The following INPP4B variants were observed in gnomAD, a reference collection of about 807,000 sequenced individuals.
The protein encoded by INPP4B is inositol polyphosphate 4-phosphatase type II.
In INPP4B, 55 loss-of-function variants were observed where a neutral mutation model predicts 122.5. The ratio of observed to expected loss-of-function variants is 0.45; its 90% CI spans 0.36 to 0.56. The LOEUF (loss-of-function observed/expected upper bound fraction) is 0.56. Among genes scored for constraint, INPP4B ranks in the 20% least tolerant of loss-of-function variants. The pLI is 0.00. For missense variants in INPP4B, 1,000 were observed against 1,097.7 expected, an observed-to-expected ratio of 0.91 and a Z score of 1.26; for synonymous variants, 403 against 388.7, an observed-to-expected ratio of 1.04 and a Z score of -0.43.
intron 2 of INPP4B, among the ~76,000 whole-genome samples, chr4:142,621,073 T>C (rs1396803582): frequency 2.0e-5 from 3 of 151,926 alleles, no homozygotes; most frequent in Non-Finnish European, 2.9e-5. Context: ...GTCTTAGTTA[T>C]ATCCAGTAGG....
At chr4:142,623,775 G>A (rs1006925545) in intron 2 of INPP4B, among the ~76,000 whole-genome samples, 4 of 144,558 alleles carry the variant, frequency 2.8e-5, no homozygotes, top group Non-Finnish European at 6.0e-5. Flanking sequence ...GTGTCCATGT[G>A]TTCTCATTGT....
chr4:142,714,437 T>C (rs1402642677), intron 2 of INPP4B, among the ~76,000 whole-genome samples: 2 of 152,200 alleles, frequency 1.3e-5, no homozygotes, highest in Non-Finnish European at 2.9e-5. Flanking sequence ...GAAGTGTTTG[T>C]TTTCCCTTTT....
At chr4:142,481,660 G>A (rs958112279) in intron 2 of INPP4B, among the ~76,000 whole-genome samples, 21 of 152,056 alleles carry the variant, frequency 1.4e-4, no homozygotes, top group African/African-American at 4.1e-4. Flanking sequence ...CATGTGGCTA[G>A]GTATAATTTG....
chr4:142,687,963 T>G (rs1433171733), intron 2 of INPP4B, among the ~76,000 whole-genome samples: 1 of 152,098 alleles, frequency 6.6e-6, no homozygotes. Context: ...ATCACTCACT[T>G]GACTAAACTT....
chr4:142,045,426 G>A (rs915678490), intron 25 of INPP4B, among the ~76,000 whole-genome samples: 1 of 152,040 alleles, frequency 6.6e-6, no homozygotes, highest in Non-Finnish European at 1.5e-5. Flanking sequence ...TCTGATTATG[G>A]TCATTGGGAA....
chr4:142,190,188 T>A (rs571268598), intron 15 of INPP4B, among the ~76,000 whole-genome samples: 1 of 127,552 alleles, frequency 7.8e-6, no homozygotes, highest in East Asian at 2.4e-4. Context: ...GTTTTTTATT[T>A]GTTTGTTTGT....
intron 2 of INPP4B, among the ~76,000 whole-genome samples, chr4:142,572,210 A>T (rs1732987287): frequency 6.6e-6 from 1 of 152,170 alleles, no homozygotes; most frequent in Admixed American, 6.5e-5. Flanking sequence ...AAACTATGAA[A>T]TTCTGCTCAA....
chr4:142,046,248 C>G (rs1390655115), intron 25 of INPP4B, among the ~76,000 whole-genome samples: 1 of 152,056 alleles, frequency 6.6e-6, no homozygotes, highest in African/African-American at 2.4e-5. Context: ...ACAAGATGAC[C>G]TGGAATGCCA....
intron 19 of INPP4B, among the ~76,000 whole-genome samples, chr4:142,123,865 A>G (rs1418340023): frequency 6.6e-6 from 1 of 152,180 alleles, no homozygotes; most frequent in Admixed American, 6.6e-5. Context: ...CCACTGGACC[A>G]TTCATGAAAT....
At chr4:142,394,824 G>C (rs182920727) in intron 7 of INPP4B, among the ~76,000 whole-genome samples, 31 of 152,142 alleles carry the variant, frequency 2.0e-4, no homozygotes, top group Non-Finnish European at 3.7e-4. Context: ...AATCTCATTT[G>C]TTTATTTTTG....
At chr4:142,058,353 T>C (rs1262099544) in intron 25 of INPP4B, among the ~76,000 whole-genome samples, 3 of 152,158 alleles carry the variant, frequency 2.0e-5, no homozygotes, top group African/African-American at 4.8e-5. Flanking sequence ...TTGGACTCAC[T>C]CAAATAAAAA....
At chr4:142,061,883 CACATAT>C (rs1760926680) in intron 25 of INPP4B, among the ~76,000 whole-genome samples, 2 of 11,672 alleles carry the variant, frequency 1.7e-4, no homozygotes, top group Non-Finnish European at 9.7e-4. Flanking sequence ...CACACACACA[CACATAT>C]ATATATATAT....
intron 1 of INPP4B, among the ~76,000 whole-genome samples, chr4:142,842,583 T>C (rs965583483): frequency 5.0e-5 from 7 of 140,240 alleles, no homozygotes; most frequent in African/African-American, 1.8e-4. Flanking sequence ...ATATATAAGA[T>C]AGTTATTGTA....
At chr4:142,234,972 AATAGTAATG>A (rs1278011130) in intron 12 of INPP4B, among the ~76,000 whole-genome samples, 1 of 152,208 alleles carries the variant, frequency 6.6e-6, no homozygotes, top group Non-Finnish European at 1.5e-5. Flanking sequence ...AAATAACAAC[AATAGTAATG>A]ACAGTGGCTA....
At chr4:142,088,914 A>T (rs981007671) in intron 23 of INPP4B, among the ~76,000 whole-genome samples, 1 of 152,202 alleles carries the variant, frequency 6.6e-6, no homozygotes, top group Admixed American at 6.5e-5. Context: ...GCTATGACAT[A>T]ACTCAGTAAA....
At chr4:142,761,078 C>T (rs1350711329) in intron 1 of INPP4B, among the ~76,000 whole-genome samples, 4 of 152,116 alleles carry the variant, frequency 2.6e-5, no homozygotes, top group Admixed American at 6.6e-5. Context: ...AGAAGCTTCT[C>T]TGGCCCAGGA....
At chr4:142,839,412 C>T (rs964510496) in intron 1 of INPP4B, among the ~76,000 whole-genome samples, 10 of 151,928 alleles carry the variant, frequency 6.6e-5, no homozygotes, top group African/African-American at 1.9e-4. Context: ...CCAGCCTGAG[C>T]GACAGAGCAA....
intron 7 of INPP4B, among the ~76,000 whole-genome samples, chr4:142,368,426 T>C (rs1246258265): frequency 1.3e-5 from 2 of 152,138 alleles, no homozygotes; most frequent in African/African-American, 2.4e-5. Flanking sequence ...TCATTAAATA[T>C]TAATAATAAT....
intron 2 of INPP4B, among the ~76,000 whole-genome samples, chr4:142,510,695 T>A (rs1293604662): frequency 6.6e-6 from 1 of 152,186 alleles, no homozygotes; most frequent in Non-Finnish European, 1.5e-5. Flanking sequence ...TTGTCCCACA[T>A]TTAGAGCTTC....
Sources: allele counts gnomAD v4.1 joint callset (sites outside exome capture counted in the v4.1 genomes callset), GRCh38; gene constraint gnomAD v4.1.1; transcripts MANE v1.5; gene names NCBI Gene and HGNC (gene_info 2026-07-23, HGNC 2026-07-21).